TMTC4: variants seen among roughly 807,000 people sequenced by gnomAD.
TMTC4 encodes the protein transmembrane O-mannosyltransferase targeting cadherins 4, also known as protein O-mannosyl-transferase TMTC4.
A neutral mutation model predicts 86.0 loss-of-function variants in TMTC4; 65 were observed. The ratio of observed to expected loss-of-function variants is 0.76; its 90% CI spans 0.62 to 0.93. TMTC4 has a LOEUF of 0.93. Ranked by LOEUF, TMTC4 falls within the 40% of genes least tolerant of loss-of-function variation. The pLI is 0.00. For missense variants in TMTC4, 866 were observed against 948.1 expected (o/e 0.91, Z 1.14); for synonymous variants, 379 against 382.5 (o/e 0.99, Z 0.11).
rs546756394 is a variant in TMTC4 at position 100,621,566 on chromosome 13, T to C, written c.1836+3969A>G. Among the ~76,000 whole-genome samples the C allele has an allele frequency of 2.7e-4, 41 of 152,198 alleles. No individual in the cohort carries two copies. In the East Asian group the frequency reaches 3.5e-3, roughly 13 times the overall value. ...TCAGCCTCCTGAGTAGCTGGGACTA[T>C]AGGCGCCTGCCACCACGCCTGGCTA... is the stretch of plus-strand genomic sequence containing the variant. On this transcript the variant is annotated intron_variant, in intron 15 of 18. Transcript: ENST00000342624.
chr13:100,663,450 CG>C (rs1368405890), intron 4 of TMTC4, among the ~76,000 whole-genome samples: 1 of 152,080 alleles, frequency 6.6e-6, no homozygotes, highest in Non-Finnish European at 1.5e-5. Flanking sequence ...AGAGGAAAAT[CG>C]AAAGGAAAGC....
At chr13:100,629,855 A>G (rs1881086356) in intron 12 of TMTC4, among the ~76,000 whole-genome samples, 1 of 152,098 alleles carries the variant, frequency 6.6e-6, no homozygotes, top group Admixed American at 6.5e-5. Context: ...GACACCAGAG[A>G]TATGTGTGCA....
intron 6 of TMTC4, among the ~76,000 whole-genome samples, chr13:100,643,203 A>T (rs1594319319): frequency 6.6e-6 from 1 of 152,206 alleles, no homozygotes; most frequent in East Asian, 1.9e-4. Context: ...GAATAAGCCA[A>T]CATATAAAAA....
In TMTC4 at chr13:100,604,847, A is replaced by G. The variant is rs1184853403; in HGVS notation, c.*147T>C. ...TTCAAGAGTATATTGCTGGTGCTAT[A>G]ATCTTTTTGCATGTCTTTGTTTTCA... On this transcript the variant is annotated 3_prime_UTR_variant, in exon 19 of 19. Transcript: ENST00000342624. 5 of 855,578 alleles carry G rather than the reference A, an allele frequency of 5.8e-6. No homozygotes were observed. Among genetic ancestry groups the G allele is most frequent in the Non-Finnish European group, 8.3e-6 (5 of 602,540 alleles). The allele number at this position is 855,578 out of a possible 1,614,324, so 53.0% of individuals were successfully genotyped here. A position where few individuals can be genotyped will look rare whatever the true frequency, so the allele number is the denominator to read the frequency against.
Position 100,625,851 on chromosome 13 carries a change from T to C in TMTC4, c.1628A>G (p.Asn543Ser). The C allele has an allele frequency of 6.2e-7, 1 of 1,613,820 alleles. No homozygotes were observed. Among genetic ancestry groups the C allele is most frequent in the Non-Finnish European group, 8.5e-7 (1 of 1,180,024 alleles). Residue 543 changes from asparagine to serine, a missense_variant, in exon 14 of 19, where the codon AAT becomes AGT. Transcript: ENST00000342624. ...KYVHAMNNLG[N>S]ILKERNELQE... ...TAGCTCATTCCTTTCTTTTAAGATA[T>C]TTCCAAGATTATTCATGGCATGAAC...
At chr13:100,612,595 T>C in intron 16 of TMTC4, 85 bp from the exon 17 acceptor site, 1 of 936,582 alleles carries the variant, frequency 1.1e-6, no homozygotes, top group South Asian at 1.4e-5. Context: ...AGGGTTTATG[T>C]GCACAGCACA....
intron 15 of TMTC4, among the ~76,000 whole-genome samples, chr13:100,620,518 A>G (rs982473380): frequency 1.3e-5 from 2 of 152,026 alleles, no homozygotes; most frequent in African/African-American, 4.8e-5. Flanking sequence ...TCATGTTACC[A>G]TCCCATTTTT....
rs1195535709 is a variant in TMTC4, at chr13:100,642,266, C to T, written c.686G>A (p.Ser229Asn). Reference protein sequence around the residue: ...AHSSTFWVLLSIFLGAVAMLC... With the variant: ...AHSSTFWVLLNIFLGAVAMLC... ...CATGGCCACTGCTCCCAGAAAGATA[C>T]TCAGCAGCACCCAGAAGGTGGAAGA... The change falls in exon 7 of 19, where the codon AGT (serine) becomes AAT (asparagine). Residue 229 changes from serine (S) to asparagine (N), a missense_variant. Physicochemically the swap from Ser to Asn is conservative, Grantham distance 46 (BLOSUM62 1). Transcript: ENST00000342624. 3.1e-6 allele frequency: 5 copies of T among 1,614,214 alleles called. No individual in the cohort carries two copies. The highest frequency in any genetic ancestry group is 4.2e-6 in the Non-Finnish European group (5 of 1,180,034).
chr13:100,638,689 A>G (rs1482640615), intron 7 of TMTC4: 1 of 152,134 alleles, frequency 6.6e-6, no homozygotes, highest in Non-Finnish European at 1.5e-5. Context: ...ACCATTTTGG[A>G]TGTTTGGTTG....
intron 17 of TMTC4, among the ~76,000 whole-genome samples, chr13:100,610,903 C>T (rs1202156537): frequency 6.6e-6 from 1 of 152,230 alleles, no homozygotes; most frequent in African/African-American, 2.4e-5. Flanking sequence ...CTGTAAACCT[C>T]ACCTCCTTCC....
chr13:100,631,668 G>T (rs1448168800), intron 12 of TMTC4, among the ~76,000 whole-genome samples: 1 of 152,092 alleles, frequency 6.6e-6, no homozygotes, highest in Non-Finnish European at 1.5e-5. Context: ...ATGAGTCTTA[G>T]CTCACACATC....
At chr13:100,661,035 G>A (rs1475727837) in intron 5 of TMTC4, among the ~76,000 whole-genome samples, 1 of 152,204 alleles carries the variant, frequency 6.6e-6, no homozygotes, top group Non-Finnish European at 1.5e-5. Context: ...CTGCAGAAAC[G>A]CTGAAAGGTA....
chr13:100,656,344 G>A, intron 6 of TMTC4, 37 bp downstream of exon 6: 4 of 1,574,118 alleles, frequency 2.5e-6, no homozygotes, highest in Non-Finnish European at 3.5e-6. Flanking sequence ...AAAACATGAA[G>A]AAGGTGGAAA....
At chr13:100,662,865 T>A in intron 5 of TMTC4, 99 bp downstream of exon 5, 1 of 1,260,076 alleles carries the variant, frequency 7.9e-7, no homozygotes, top group Non-Finnish European at 1.1e-6. Flanking sequence ...GGAACCAAGA[T>A]GGGTACATAA....
chr13:100,614,231 C>A, intron 16 of TMTC4, 85 bp downstream of exon 16: 4 of 991,630 alleles, frequency 4.0e-6, no homozygotes, highest in African/African-American at 1.6e-5. Context: ...AGGAAAAAAG[C>A]ACAATAATCT....
chr13:100,605,115 A>G lies in TMTC4; in HGVS notation c.2162T>C (p.Leu721Pro). The G allele has an allele frequency of 6.2e-7, 1 of 1,612,808 alleles. No individual in the cohort carries two copies. The highest frequency in any genetic ancestry group is 8.5e-7 in the Non-Finnish European group (1 of 1,179,598). The change falls in exon 19 of 19, where the codon CTA becomes CCA. Residue 721 changes from leucine (L) to proline (P), a missense_variant. By Grantham distance (98) the Leu-to-Pro change is moderately conservative (BLOSUM62 -3). Coordinates refer to ENST00000342624, the MANE Select transcript of TMTC4 (RefSeq NM_032813.5). The surrounding 1 kb of genome is among the most constrained non-coding windows in gnomAD (Gnocchi z 4.3). ...LAVLYHRWGH[L>P]DLAKKHYEIS... ...TTCATAGTGTTTCTTGGCCAAGTCT[A>G]GATGTCCCCAACGATGATAAAGCAC...
At position 100,613,847 on chromosome 13, in the gene TMTC4, CT is replaced by C. The variant is rs1244765417; in HGVS notation, c.1951+468del. Among the ~76,000 whole-genome samples the C allele has an allele frequency of 2.6e-3, 358 of 137,498 alleles. 3 individuals are homozygous for C. The highest frequency in any genetic ancestry group is 8.3e-3 in the South Asian group (32 of 3,838). The allele number at this position is 137,498 out of a possible 152,430, so 90.2% of individuals were successfully genotyped here. On this transcript the variant is annotated intron_variant, in intron 16 of 18. Transcript: ENST00000342624. Reference sequence around the variant, plus strand: ...CCCTCTCCCCCCTACCCGCCCCCCCCTTTTTTTTTGAGATGGCGTTTCGCTC... The same window carrying C: ...CCCTCTCCCCCCTACCCGCCCCCCCCTTTTTTTTGAGATGGCGTTTCGCTC...
chr13:100,606,861 G>A (rs1876705939), intron 17 of TMTC4, among the ~76,000 whole-genome samples: 1 of 152,118 alleles, frequency 6.6e-6, no homozygotes, highest in Non-Finnish European at 1.5e-5. Context: ...CAACACTCTG[G>A]GCCGCCCAGA....
At position 100,663,118 on chromosome 13, in the gene TMTC4, A is replaced by C. The variant is rs1885989750; in HGVS notation, c.398T>G (p.Leu133Arg). The change falls in exon 5 of 19, where the codon CTG becomes CGG. Residue 133 changes from leucine to arginine, a missense_variant. Physicochemically the swap from Leu to Arg is moderately radical, Grantham distance 102. Coordinates refer to ENST00000342624, the MANE Select transcript of TMTC4 (RefSeq NM_032813.5). ...PVGFHVVNIL[L>R]HSGISVLMVD... is the part of the protein sequence containing the mutation. ...CATGAGGACAGAGATGCCACTGTGCAGGAGGATGTTGACCACGTGAAAGCC... is the reference window on the plus strand; with the variant it reads ...CATGAGGACAGAGATGCCACTGTGCCGGAGGATGTTGACCACGTGAAAGCC... 1 of 1,614,122 alleles carries C rather than the reference A, an allele frequency of 6.2e-7. No individual in the cohort carries two copies. Among genetic ancestry groups the C allele is most frequent in the Admixed American group, 1.7e-5 (1 of 60,004 alleles).
Sources: gnomAD v4.1 joint callset for allele counts (sites outside exome capture counted in the v4.1 genomes callset) on GRCh38, gnomAD v4.1.1 for gene constraint, Gnocchi (gnomAD v3.1) non-coding constraint, MANE v1.5 for transcripts, NCBI Gene and HGNC (gene_info 2026-07-23, HGNC 2026-07-21) for gene names.